KIF26B: variants seen among roughly 807,000 people sequenced by gnomAD.
KIF26B encodes kinesin-like protein KIF26B.
KIF26B carries 63 observed loss-of-function variants against 151.2 expected under a neutral mutation model. That is an observed-to-expected ratio of 0.42 (90% CI 0.34 to 0.51). The LOEUF is 0.51. Ranked by LOEUF, KIF26B falls within the 20% of genes least tolerant of loss-of-function variation. The pLI, the probability that KIF26B is intolerant of heterozygous loss-of-function variation, is 0.07. For missense variants in KIF26B, 2,813 were observed against 2,913.6 expected, an observed-to-expected ratio of 0.97 and a Z score of 0.79; for synonymous variants, 1,357 against 1,262.1, an observed-to-expected ratio of 1.08 and a Z score of -1.59.
At chr1:245,341,738 G>A (rs1433427621) in intron 2 of KIF26B, among the ~76,000 whole-genome samples, 2 of 152,148 alleles carry the variant, frequency 1.3e-5, no homozygotes, top group Non-Finnish European at 2.9e-5. Context: ...ACATTGAAAA[G>A]TTCCTTCATC....
At chr1:245,607,771 C>T (rs776745665) in intron 7 of KIF26B, 27 bp downstream of exon 7, 34 of 1,565,532 alleles carry the variant, frequency 2.2e-5, no homozygotes, top group Admixed American at 1.6e-4. Flanking sequence ...CTTTCTCATG[C>T]GGCTCGTTGA....
At chr1:245,248,206 G>A (rs950737812) in intron 2 of KIF26B, among the ~76,000 whole-genome samples, 12 of 151,892 alleles carry the variant, frequency 7.9e-5, no homozygotes, top group East Asian at 3.9e-4. Flanking sequence ...AAGACACGGC[G>A]ACCTACTTGG....
intron 2 of KIF26B, among the ~76,000 whole-genome samples, chr1:245,357,326 G>A (rs2103004123): frequency 6.6e-6 from 1 of 152,306 alleles, no homozygotes; most frequent in East Asian, 1.9e-4. Flanking sequence ...CACGGTTTCT[G>A]CCCCCTAGGA....
At chr1:245,194,263 C>T (rs924862372) in intron 2 of KIF26B, among the ~76,000 whole-genome samples, 3 of 152,110 alleles carry the variant, frequency 2.0e-5, no homozygotes, top group Non-Finnish European at 4.4e-5. Flanking sequence ...TTAGAGTTTC[C>T]GTTTACATAG....
At chr1:245,610,156 A>G (rs1382929345) in intron 8 of KIF26B, among the ~76,000 whole-genome samples, 1 of 152,154 alleles carries the variant, frequency 6.6e-6, no homozygotes, top group East Asian at 1.9e-4. Context: ...CTCTAACAGT[A>G]GGCTTTATTT....
chr1:245,548,241 G>C (rs1415869265), intron 5 of KIF26B, among the ~76,000 whole-genome samples: 1 of 151,966 alleles, frequency 6.6e-6, no homozygotes, highest in Admixed American at 6.6e-5. Flanking sequence ...TACCCTTTCA[G>C]TGCCAGCTCA....
intron 9 of KIF26B, among the ~76,000 whole-genome samples, chr1:245,642,966 A>G (rs1470859224): frequency 6.6e-6 from 1 of 152,186 alleles, no homozygotes; most frequent in Non-Finnish European, 1.5e-5. Flanking sequence ...GGTGCTGTAC[A>G]TGCCTCTCTG....
chr1:245,531,386 T>A (rs1661355395), intron 4 of KIF26B, among the ~76,000 whole-genome samples: 1 of 152,182 alleles, frequency 6.6e-6, no homozygotes, highest in Admixed American at 6.5e-5. Context: ...CCTGTGGCCA[T>A]GGCTAAAGTC....
chr1:245,337,492 C>G (rs1348685424), intron 2 of KIF26B, among the ~76,000 whole-genome samples: 1 of 150,934 alleles, frequency 6.6e-6, no homozygotes, highest in Non-Finnish European at 1.5e-5. Flanking sequence ...ATTCATTTAG[C>G]CTGGTGACCT....
chr1:245,652,132 GTGTGTGTGTGT>G (rs2044024506), intron 10 of KIF26B, among the ~76,000 whole-genome samples: 2 of 140,282 alleles, frequency 1.4e-5, no homozygotes, highest in African/African-American at 2.9e-5. Context: ...GTGTGTGTGT[GTGTGTGTGTGT>G]GTGAGAGAGA....
chr1:245,556,353 CTCCTCCTCCTTCTTCTTCT>C (rs1419515652), intron 5 of KIF26B, among the ~76,000 whole-genome samples: 16 of 139,340 alleles, frequency 1.1e-4, no homozygotes, highest in Admixed American at 5.5e-4. Flanking sequence ...CTCCCTCCTC[CTCCTCCTCCTTCTTCTTCT>C]TCCTCCTTCT....
chr1:245,334,394 C>T (rs557711269), intron 2 of KIF26B, among the ~76,000 whole-genome samples: 15 of 152,308 alleles, frequency 9.8e-5, no homozygotes, highest in African/African-American at 2.6e-4. Context: ...GGTAATTGCC[C>T]TTCATTTCTT....
intron 2 of KIF26B, among the ~76,000 whole-genome samples, chr1:245,258,401 C>G (rs759142262): frequency 6.6e-6 from 1 of 152,076 alleles, no homozygotes; most frequent in African/African-American, 2.4e-5. Flanking sequence ...CCCTGGGGAC[C>G]CAAAGCAGGA....
chr1:245,402,316 TCCTTTAAACTGGGTG>T (rs1674027131), intron 3 of KIF26B, among the ~76,000 whole-genome samples: 1 of 152,178 alleles, frequency 6.6e-6, no homozygotes, highest in African/African-American at 2.4e-5. Flanking sequence ...AGAACAAAGT[TCCTTTAAACTGGGTG>T]CCTTCATCTG....
At chr1:245,463,761 G>A (rs956401181) in intron 4 of KIF26B, among the ~76,000 whole-genome samples, 1 of 152,170 alleles carries the variant, frequency 6.6e-6, no homozygotes, top group African/African-American at 2.4e-5. Flanking sequence ...AAAAAGAACT[G>A]ATTTGTGTTG....
At chr1:245,184,367 A>G (rs1012191776) in intron 2 of KIF26B, among the ~76,000 whole-genome samples, 4 of 152,060 alleles carry the variant, frequency 2.6e-5, no homozygotes, top group African/African-American at 7.2e-5. Context: ...TCAGCCCTAT[A>G]GCACATTGAA....
At chr1:245,250,326 A>T (rs7532597) in intron 2 of KIF26B, among the ~76,000 whole-genome samples, 27,168 of 152,192 alleles carry the variant, frequency 0.18, 2,680 homozygotes, top group African/African-American at 0.24. Context: ...TGCTCCACAT[A>T]TCAGTTGAGA....
At chr1:245,162,566 A>C (rs1668550829) in intron 2 of KIF26B, among the ~76,000 whole-genome samples, 2 of 151,920 alleles carry the variant, frequency 1.3e-5, no homozygotes, top group South Asian at 4.2e-4. Flanking sequence ...TTGTATTTTT[A>C]GTAGAGATGG....
intron 2 of KIF26B, among the ~76,000 whole-genome samples, chr1:245,342,184 T>G (rs1672347081): frequency 6.6e-6 from 1 of 152,162 alleles, no homozygotes; most frequent in Non-Finnish European, 1.5e-5. Flanking sequence ...GTGCGCACAT[T>G]AGTAGTAGAA....
Sources: allele counts gnomAD v4.1 joint callset (sites outside exome capture counted in the v4.1 genomes callset), GRCh38; gene constraint gnomAD v4.1.1; transcripts MANE v1.5; gene names NCBI Gene and HGNC (gene_info 2026-07-23, HGNC 2026-07-21).